The following SLC26A7 variants were observed in gnomAD, a reference collection of about 807,000 sequenced individuals.
SLC26A7 encodes the protein solute carrier family 26 member 7.
SLC26A7 carries 59 observed loss-of-function variants against 82.5 expected under a neutral mutation model. The observed-to-expected ratio is 0.72, with a 90% CI of 0.58 to 0.89. SLC26A7 has a LOEUF of 0.89. Ranked by LOEUF, SLC26A7 falls within the 40% of genes least tolerant of loss-of-function variation. The pLI is 0.00. For missense variants in SLC26A7, 820 were observed against 793.0 expected, an observed-to-expected ratio of 1.03 and a Z score of -0.41; for synonymous variants, 271 against 274.3, an observed-to-expected ratio of 0.99 and a Z score of 0.12.
intron 2 of SLC26A7, among the ~76,000 whole-genome samples, chr8:91,237,408 G>T (rs2130681215): frequency 6.6e-6 from 1 of 152,230 alleles, no homozygotes; most frequent in Middle Eastern, 3.4e-3. Flanking sequence ...TATTACTCCA[G>T]TTAAGTTGGG....
chr8:91,315,737 G>A (rs1812611495), intron 4 of SLC26A7, among the ~76,000 whole-genome samples: 2 of 152,252 alleles, frequency 1.3e-5, no homozygotes, highest in South Asian at 4.1e-4. Flanking sequence ...GTTTTACAGA[G>A]TTAGAAAATG....
rs1808539670 is a variant in SLC26A7 at position 91,395,359 on chromosome 8, GTTTTA to G, written c.*273_*277del. 1 of 672,758 alleles carries G rather than the reference GTTTTA, an allele frequency of 1.5e-6. No homozygotes were observed. Among genetic ancestry groups the G allele is most frequent in the Middle Eastern group, 5.0e-4 (1 of 2,010 alleles). The allele number at this position is 672,758 out of a possible 1,614,324, so 41.7% of individuals were successfully genotyped here. On this transcript the variant is annotated 3_prime_UTR_variant, in exon 19 of 19. Coordinates refer to ENST00000276609, the MANE Select transcript of SLC26A7 (RefSeq NM_052832.4). ...TTTAGTGTACTGAAGGGTAAACATGGTTTTATTTTATTTTACCATATTATTTTGTG... is the reference window on the plus strand; with the variant it reads ...TTTAGTGTACTGAAGGGTAAACATGGTTTTATTTTACCATATTATTTTGTG...
intron 5 of SLC26A7, among the ~76,000 whole-genome samples, chr8:91,330,017 G>A (rs1211420795): frequency 2.0e-5 from 3 of 152,098 alleles, no homozygotes; most frequent in African/African-American, 7.2e-5. Context: ...TGATGACATT[G>A]TAGTACCTAC....
At chr8:91,302,340 T>A (rs1436089829) in intron 4 of SLC26A7, among the ~76,000 whole-genome samples, 1 of 152,098 alleles carries the variant, frequency 6.6e-6, no homozygotes, top group Non-Finnish European at 1.5e-5. Flanking sequence ...GTGGTTTAAT[T>A]ATCTTTTAGG....
In SLC26A7 at chr8:91,366,644, A is replaced by T; in HGVS notation, c.1553A>T (p.Lys518Ile). The change falls in exon 14 of 19, where the codon AAA (lysine) becomes ATA (isoleucine). Residue 518 changes from lysine to isoleucine, a missense_variant. Lys to Ile is a moderately radical substitution (Grantham distance 102). Coordinates refer to ENST00000276609, the MANE Select transcript of SLC26A7 (RefSeq NM_052832.4). ...CCGCTTGTTTTCCTGAATGCAAAAA[A>T]ATTTTATACTGATTTAATGAACATG... Reference protein sequence around the residue: ...NNPLVFLNAKKFYTDLMNMIQ... With the variant: ...NNPLVFLNAKIFYTDLMNMIQ... 1.2e-6 allele frequency: 2 copies of T among 1,613,762 alleles called. No homozygotes were observed. The highest frequency in any genetic ancestry group is 2.2e-5 in the East Asian group (1 of 44,804).
intron 14 of SLC26A7, among the ~76,000 whole-genome samples, chr8:91,368,740 A>G (rs1257607067): frequency 6.6e-6 from 1 of 152,076 alleles, no homozygotes; most frequent in Non-Finnish European, 1.5e-5. Flanking sequence ...GGTATTTTTA[A>G]GAGGAGGGAA....
chr8:91,350,458 A>G (rs933278586), intron 9 of SLC26A7, among the ~76,000 whole-genome samples: 2 of 151,974 alleles, frequency 1.3e-5, no homozygotes, highest in African/African-American at 4.8e-5. Flanking sequence ...ATTGTTGTAT[A>G]ACAAGTAAAA....
Position 91,289,123 on chromosome 8 carries a change from GTCT to G in SLC26A7, c.194-7_194-5del. The G allele has an allele frequency of 2.5e-6, 4 of 1,594,990 alleles. No individual in the cohort carries two copies. The highest frequency in any genetic ancestry group is 3.4e-6 in the Non-Finnish European group (4 of 1,162,782). ...TTATAAGGTGGTTTTAATTACCCTA[GTCT>G]TCTTCACAGGATTGGCCTTTGCTGT... On this transcript the variant is annotated splice_polypyrimidine_tract_variant and intron_variant, in intron 2 of 18. Transcript: ENST00000276609.
intron 9 of SLC26A7, 70 bp downstream of exon 9, chr8:91,343,536 G>A (rs1246832851): frequency 1.2e-5 from 13 of 1,051,686 alleles, no homozygotes; most frequent in East Asian, 2.4e-5. Flanking sequence ...AGTGGGAAGA[G>A]CTAGCTTCTC....
upstream of SLC26A7, among the ~76,000 whole-genome samples, chr8:91,246,494 G>A (rs1307810984): frequency 6.6e-6 from 1 of 152,162 alleles, no homozygotes; most frequent in Non-Finnish European, 1.5e-5. Flanking sequence ...TTTCGTGGAA[G>A]AGGTAAACAT....
intron 2 of SLC26A7, among the ~76,000 whole-genome samples, chr8:91,222,633 G>A (rs1810176946): frequency 6.6e-6 from 1 of 152,230 alleles, no homozygotes; most frequent in Middle Eastern, 3.4e-3. Flanking sequence ...TTTGTCATTG[G>A]TTCTGTTTAT....
At chr8:91,264,499 C>G (rs1811055063) in intron 2 of SLC26A7, among the ~76,000 whole-genome samples, 1 of 151,946 alleles carries the variant, frequency 6.6e-6, no homozygotes, top group Non-Finnish European at 1.5e-5. Context: ...AACCAAAATG[C>G]TACTCAATCC....
At chr8:91,354,229 G>T (rs902330087) in intron 11 of SLC26A7, among the ~76,000 whole-genome samples, 7 of 152,106 alleles carry the variant, frequency 4.6e-5, no homozygotes, top group African/African-American at 1.7e-4. Context: ...TGATCATATA[G>T]GAGGCAGCAT....
chr8:91,269,792 C>T (rs1275509589), intron 2 of SLC26A7, among the ~76,000 whole-genome samples: 1 of 151,746 alleles, frequency 6.6e-6, no homozygotes, highest in Non-Finnish European at 1.5e-5. Context: ...TTTCCTTTTT[C>T]TCTTTTGATT....
intron 4 of SLC26A7, among the ~76,000 whole-genome samples, chr8:91,317,977 A>C (rs982776763): frequency 6.8e-5 from 10 of 147,186 alleles, no homozygotes; most frequent in African/African-American, 2.0e-4. Flanking sequence ...ATAAAAATAA[A>C]CAAAAAAAAT....
At chr8:91,250,212 A>T (rs1001009566) in intron 2 of SLC26A7, among the ~76,000 whole-genome samples, 1 of 152,086 alleles carries the variant, frequency 6.6e-6, no homozygotes, top group Non-Finnish European at 1.5e-5. Context: ...CTTGAACACA[A>T]TCGTTTTGGA....
chr8:91,281,519 G>A (rs1811572574), intron 2 of SLC26A7, among the ~76,000 whole-genome samples: 1 of 152,122 alleles, frequency 6.6e-6, no homozygotes. Flanking sequence ...TTGGTATCCC[G>A]GGGTGTCCTA....
In SLC26A7 at chr8:91,318,255, G is replaced by T. The variant is rs772609318; in HGVS notation, c.517G>T (p.Val173Leu). ...FVLQLGSATF[V>L]VTEPVISAMT... ...GCTGCAACTGGGCAGTGCCACATTT[G>T]TGGTCACAGAGCCTGTGATCAGCGC... The change falls in exon 5 of 19, where the codon GTG becomes TTG. Residue 173 changes from valine (V) to leucine (L), a missense_variant. Coordinates refer to ENST00000276609, the MANE Select transcript of SLC26A7 (RefSeq NM_052832.4). 45 of 1,605,982 alleles carry T rather than the reference G, an allele frequency of 2.8e-5. No individual in the cohort carries two copies. The highest frequency in any genetic ancestry group is 3.7e-5 in the Non-Finnish European group (44 of 1,175,858).
intron 13 of SLC26A7, among the ~76,000 whole-genome samples, chr8:91,365,690 A>T (rs1814172958): frequency 6.6e-6 from 1 of 152,208 alleles, no homozygotes; most frequent in Non-Finnish European, 1.5e-5. Flanking sequence ...TTTGGAAATG[A>T]GGGAACTGAG....
Sources: allele counts gnomAD v4.1 joint callset (sites outside exome capture counted in the v4.1 genomes callset), GRCh38; gene constraint gnomAD v4.1.1; transcripts MANE v1.5; gene names NCBI Gene and HGNC (gene_info 2026-07-23, HGNC 2026-07-21).